Variants in PLA2G5 observed in about 807,000 individuals in gnomAD.
PLA2G5 encodes the protein Ca2+-dependent phospholipase A2.
In PLA2G5, 12 loss-of-function variants were observed where a neutral mutation model predicts 15.9. That is an observed-to-expected ratio of 0.76 (90% CI 0.48 to 1.23). The LOEUF (loss-of-function observed/expected upper bound fraction) is 1.23. Ranked by LOEUF, PLA2G5 falls within the 50% of genes most tolerant of loss-of-function variation. PLA2G5 has a pLI of 0.00. For missense variants in PLA2G5, 169 were observed against 177.1 expected, an observed-to-expected ratio of 0.95 and a Z score of 0.26; for synonymous variants, 71 against 71.4, an observed-to-expected ratio of 0.99 and a Z score of 0.03.
At chr1:20,078,039 T>C (rs2015781759) in intron 1 of PLA2G5, among the ~76,000 whole-genome samples, 1 of 151,960 alleles carries the variant, frequency 6.6e-6, no homozygotes, top group Admixed American at 6.6e-5. Flanking sequence ...ACACCTGCAT[T>C]TGGGGGGCCA....
At chr1:20,086,726 G>C (rs2016314458) in intron 3 of PLA2G5, among the ~76,000 whole-genome samples, 1 of 152,310 alleles carries the variant, frequency 6.6e-6, no homozygotes, top group Middle Eastern at 3.4e-3. Context: ...CAAGACCAAA[G>C]GATATGGTGT....
intron 1 of PLA2G5, among the ~76,000 whole-genome samples, chr1:20,033,545 TTCTGTGCCTCTG>T (rs2013084343): frequency 6.6e-6 from 1 of 152,140 alleles, no homozygotes. Context: ...GAGAGTGAGT[TTCTGTGCCTCTG>T]GGGCCAGCAA....
At chr1:20,058,244 A>G (rs1194783905) in intron 1 of PLA2G5, among the ~76,000 whole-genome samples, 2 of 152,162 alleles carry the variant, frequency 1.3e-5, no homozygotes, top group Non-Finnish European at 2.9e-5. Context: ...CAACTATAAT[A>G]GTGGCTTTGT....
intron 1 of PLA2G5, among the ~76,000 whole-genome samples, chr1:20,057,333 A>G (rs191469068): frequency 1.9e-3 from 275 of 146,994 alleles, no homozygotes; most frequent in Non-Finnish European, 2.8e-3. Context: ...TTTTTTTTCT[A>G]ATGTGTGTGT....
At chr1:20,077,702 C>T (rs1018875097) in intron 1 of PLA2G5, among the ~76,000 whole-genome samples, 1 of 152,162 alleles carries the variant, frequency 6.6e-6, no homozygotes, top group African/African-American at 2.4e-5. Context: ...TATGATTATC[C>T]TATTTTACAC....
chr1:20,035,667 C>G (rs1347729376), intron 1 of PLA2G5, among the ~76,000 whole-genome samples: 1 of 152,166 alleles, frequency 6.6e-6, no homozygotes, highest in East Asian at 1.9e-4. Context: ...GAATTCTTAT[C>G]TATTCCACCA....
At chr1:20,056,064 A>G (rs2014415818) in intron 1 of PLA2G5, among the ~76,000 whole-genome samples, 2 of 152,196 alleles carry the variant, frequency 1.3e-5, no homozygotes, top group South Asian at 4.1e-4. Context: ...CTAAAAGGCT[A>G]AACACTGCAT....
Position 20,030,506 on chromosome 1 carries a change from C to T in PLA2G5, n.276+1797C>T, listed in dbSNP as rs146755582. On this transcript the variant is annotated intron_variant and non_coding_transcript_variant, in intron 1 of 6. Transcript: ENST00000460175. ...AGTTTTACACCGAGACATTCCATTC[C>T]CAGGGATGAGCAGGAGACAGATGCC... Among the ~76,000 whole-genome samples the T allele has an allele frequency of 5.0e-3, 757 of 152,112 alleles. 8 individuals carry two copies. The highest frequency in any genetic ancestry group is 0.017 in the African/African-American group (722 of 41,506).
In PLA2G5 at chr1:20,089,792, C is replaced by T. The variant is rs745430896; in HGVS notation, c.189C>T (p.Cys63=). 3 of 1,613,480 alleles carry T rather than the reference C, an allele frequency of 1.9e-6. No homozygotes were observed. Among genetic ancestry groups the T allele is most frequent in the South Asian group, 2.2e-5 (2 of 91,060 alleles). Residue 63 remains cysteine, a synonymous_variant, in exon 4 of 5, where the codon TGC becomes TGT. Coordinates refer to ENST00000375108, the MANE Select transcript of PLA2G5 (RefSeq NM_000929.3). ...RGTPKDGTDW[C]CWAHDHCYGR... ...TCTAAGTCTCTTGCACGGACAGGTG[C>T]TGTTGGGCGCATGACCACTGCTATG... is the stretch of plus-strand genomic sequence containing the variant.
At chr1:20,083,089 AC>A (rs2016114503) in intron 1 of PLA2G5, among the ~76,000 whole-genome samples, 1 of 151,962 alleles carries the variant, frequency 6.6e-6, no homozygotes, top group African/African-American at 2.4e-5. Context: ...TCCTTGTGCC[AC>A]AGCTCCAGGG....
chr1:20,052,406 A>G (rs918683787), intron 1 of PLA2G5, among the ~76,000 whole-genome samples: 1 of 152,192 alleles, frequency 6.6e-6, no homozygotes, highest in Non-Finnish European at 1.5e-5. Flanking sequence ...TGGACAATTC[A>G]AACTTCAGAA....
intron 1 of PLA2G5, among the ~76,000 whole-genome samples, chr1:20,051,729 T>C (rs1393741861): frequency 6.6e-6 from 1 of 152,208 alleles, no homozygotes; most frequent in Non-Finnish European, 1.5e-5. Flanking sequence ...CTTTAAGGAA[T>C]CAAACTTGAG....
Position 20,070,410 on chromosome 1 carries a change from G to C in PLA2G5, c.-66G>C. The C allele has an allele frequency of 1.0e-6, 1 of 985,530 alleles. No homozygotes were observed. The highest frequency in any genetic ancestry group is 1.2e-6 in the Non-Finnish European group (1 of 829,980). The allele number at this position is 985,530 out of a possible 1,614,324, so 61.0% of individuals were successfully genotyped here. On this transcript the variant is annotated 5_prime_UTR_variant, in exon 1 of 5. Transcript: ENST00000375108. Reference sequence around the variant, plus strand: ...ACCCGGGTCTCCAGGGTCTGCCCAAGGAAGTTGCTCATGGGAGCAGACCTC... The same window carrying C: ...ACCCGGGTCTCCAGGGTCTGCCCAACGAAGTTGCTCATGGGAGCAGACCTC...
At chr1:20,065,178 C>T (rs1377238924) in intron 2 of PLA2G5, among the ~76,000 whole-genome samples, 1 of 152,188 alleles carries the variant, frequency 6.6e-6, no homozygotes, top group Non-Finnish European at 1.5e-5. Context: ...TTCCCATATA[C>T]CGCCCCCTTA....
At chr1:20,051,999 A>T (rs1428803200) in intron 1 of PLA2G5, among the ~76,000 whole-genome samples, 1 of 152,168 alleles carries the variant, frequency 6.6e-6, no homozygotes, top group East Asian at 1.9e-4. Flanking sequence ...ATCAAAGCCA[A>T]TTTAAAAGCC....
chr1:20,045,456 C>G (rs1051189035), intron 1 of PLA2G5, among the ~76,000 whole-genome samples: 1 of 151,460 alleles, frequency 6.6e-6, no homozygotes, highest in African/African-American at 2.4e-5. Flanking sequence ...TTCCCAAGTT[C>G]GTGACTGGCA....
chr1:20,078,952 C>T (rs2015849360), intron 1 of PLA2G5, among the ~76,000 whole-genome samples: 1 of 151,722 alleles, frequency 6.6e-6, no homozygotes, highest in African/African-American at 2.4e-5. Context: ...ATAAAAAATG[C>T]ACAAAGAAAT....
intron 1 of PLA2G5, among the ~76,000 whole-genome samples, chr1:20,076,068 TCACCTC>T (rs1483820506): frequency 6.6e-6 from 1 of 152,060 alleles, no homozygotes; most frequent in Non-Finnish European, 1.5e-5. Context: ...AGACAGGGTT[TCACCTC>T]ACTGGCCAGG....
chr1:20,040,577 T>TAC (rs60942082), intron 1 of PLA2G5, among the ~76,000 whole-genome samples: 52 of 150,754 alleles, frequency 3.4e-4, no homozygotes, highest in African/African-American at 9.8e-4. Flanking sequence ...AGCTGACAAA[T>TAC]ACACACACAC....
Sources: gnomAD v4.1 joint callset for allele counts (sites outside exome capture counted in the v4.1 genomes callset) on GRCh38, gnomAD v4.1.1 for gene constraint, MANE v1.5 for transcripts, NCBI Gene and HGNC (gene_info 2026-07-23, HGNC 2026-07-21) for gene names.